The following GRIP1 variants were observed in gnomAD, a reference collection of about 807,000 sequenced individuals.
The protein encoded by GRIP1 is glutamate receptor-interacting protein 1.
Under a neutral mutation model 129.9 loss-of-function variants are expected in GRIP1, and 45 were observed. The ratio of observed to expected loss-of-function variants is 0.35; its 90% CI spans 0.27 to 0.44. The LOEUF is 0.44. Ranked by LOEUF, GRIP1 falls within the 20% of genes least tolerant of loss-of-function variation. The probability of loss-of-function intolerance (pLI) is 1.00; values close to 1 mark genes in which losing one functional copy is unlikely to be tolerated. For missense variants in GRIP1, 1,196 were observed against 1,396.8 expected, an observed-to-expected ratio of 0.86 and a Z score of 2.29; for synonymous variants, 530 against 520.8, an observed-to-expected ratio of 1.02 and a Z score of -0.24.
chr12:66,690,674 T>C (rs943356434), intron 1 of GRIP1, among the ~76,000 whole-genome samples: 1 of 151,108 alleles, frequency 6.6e-6, no homozygotes, highest in Non-Finnish European at 1.5e-5. Flanking sequence ...ATGACCAGCC[T>C]AAGCAACATA....
chr12:66,902,407 G>A (rs1252955572), intron 1 of GRIP1, among the ~76,000 whole-genome samples: 1 of 152,168 alleles, frequency 6.6e-6, no homozygotes, highest in African/African-American at 2.4e-5. Flanking sequence ...TAGCTGGCCT[G>A]AGGGATGGTT....
At chr12:67,066,888 T>TTTTTTATATATATATATA (rs59891449) in intron 1 of GRIP1, among the ~76,000 whole-genome samples, 51 of 125,642 alleles carry the variant, frequency 4.1e-4, no homozygotes, top group Non-Finnish European at 7.1e-4. Context: ...AAATATATAT[T>TTTTTTATATATATATATA]TATATATATA....
At chr12:66,986,860 AAAAAATAAAAT>A (rs533467667) in intron 1 of GRIP1, among the ~76,000 whole-genome samples, 2,066 of 49,780 alleles carry the variant, frequency 0.042, 39 homozygotes, top group African/African-American at 0.21. Context: ...AAAAATTTTA[AAAAAATAAAAT>A]AAAAATAAAA....
At chr12:67,029,870 G>A (rs1175107721) in intron 1 of GRIP1, among the ~76,000 whole-genome samples, 1 of 151,708 alleles carries the variant, frequency 6.6e-6, no homozygotes. Context: ...GAATTGCTTA[G>A]ATGTTTTTAT....
chr12:66,535,767 T>C (rs1272372195), intron 4 of GRIP1, among the ~76,000 whole-genome samples: 1 of 152,230 alleles, frequency 6.6e-6, no homozygotes, highest in East Asian at 1.9e-4. Flanking sequence ...TACGAACTTG[T>C]GACTGATTAT....
chr12:66,976,247 T>C (rs1469531376), intron 1 of GRIP1, among the ~76,000 whole-genome samples: 1 of 152,300 alleles, frequency 6.6e-6, no homozygotes, highest in African/African-American at 2.4e-5. Context: ...ATTTGGCCAA[T>C]TTGATAGGTG....
rs568339590 is a variant in GRIP1, at chr12:66,910,873, A to G, written c.58+158177T>C. On this transcript the variant is annotated intron_variant, in intron 1 of 1. Coordinates refer to the GRIP1 transcript ENST00000643019. ...ACTTAACCAGAACAGCTCCATCTTTATCACTTTTACATACTGGATCTCCAG... is the reference window on the plus strand; with the variant it reads ...ACTTAACCAGAACAGCTCCATCTTTGTCACTTTTACATACTGGATCTCCAG... Among the ~76,000 whole-genome samples, 10 of 152,292 alleles carry G rather than the reference A, an allele frequency of 6.6e-5. No homozygotes were observed. In the East Asian group the frequency reaches 1.9e-3, roughly 29 times the overall value.
intron 2 of GRIP1, among the ~76,000 whole-genome samples, chr12:66,545,845 T>C (rs2061932168): frequency 6.6e-6 from 1 of 152,226 alleles, no homozygotes; most frequent in South Asian, 2.1e-4. Context: ...AAATATCATA[T>C]ATAATTGTTC....
Position 66,392,446 on chromosome 12 carries a change from C to T in GRIP1, c.2326G>A (p.Gly776Arg), listed in dbSNP as rs772516123. The T allele has an allele frequency of 2.5e-6, 4 of 1,614,136 alleles. No individual in the cohort carries two copies. The highest frequency in any genetic ancestry group is 3.4e-6 in the Non-Finnish European group (4 of 1,180,004). ...FPISSHLSDL[G>R]DVEEDSSPAQ... Reference sequence around the variant, plus strand: ...GGTGAGGAGTCCTCCTCCACATCCCCCAGGTCACTCAAATGGCTAGAAATA... The same window carrying T: ...GGTGAGGAGTCCTCCTCCACATCCCTCAGGTCACTCAAATGGCTAGAAATA... The change falls in exon 19 of 25, where the codon GGG (glycine) becomes AGG (arginine). Residue 776 changes from glycine (G) to arginine (R), a missense_variant. Physicochemically the swap from Gly to Arg is moderately radical, Grantham distance 125. Coordinates refer to ENST00000359742, the MANE Select transcript of GRIP1 (RefSeq NM_001366722.1).
chr12:66,624,586 C>T (rs1444093565), intron 1 of GRIP1, among the ~76,000 whole-genome samples: 1 of 152,028 alleles, frequency 6.6e-6, no homozygotes. Flanking sequence ...GTACATACAG[C>T]AAAGAATTGA....
chr12:67,016,220 T>C (rs118122076), intron 1 of GRIP1, among the ~76,000 whole-genome samples: 24 of 152,234 alleles, frequency 1.6e-4, no homozygotes, highest in African/African-American at 4.6e-4. Flanking sequence ...CTAAAAAAGA[T>C]AGAAATTCCA....
intron 1 of GRIP1, among the ~76,000 whole-genome samples, chr12:66,977,404 TAAC>T (rs1467256411): frequency 6.6e-6 from 1 of 152,182 alleles, no homozygotes; most frequent in Non-Finnish European, 1.5e-5. Flanking sequence ...CATAACTCTT[TAAC>T]TTCTTTTAAA....
chr12:66,871,991 C>A (rs896672570), intron 1 of GRIP1, among the ~76,000 whole-genome samples: 1 of 152,044 alleles, frequency 6.6e-6, no homozygotes, highest in African/African-American at 2.4e-5. Context: ...TTAATACAAC[C>A]CAGCTCATAC....
chr12:66,424,907 ACTTC>A (rs2057930453), intron 14 of GRIP1, among the ~76,000 whole-genome samples: 1 of 124,458 alleles, frequency 8.0e-6, no homozygotes, highest in Admixed American at 8.3e-5. Flanking sequence ...GATCTTGGGG[ACTTC>A]CTTCCCACAA....
chr12:66,723,304 C>CTTTT (rs57938064), intron 1 of GRIP1, among the ~76,000 whole-genome samples: 19 of 58,424 alleles, frequency 3.3e-4, no homozygotes, highest in Non-Finnish European at 5.0e-4. Flanking sequence ...TTCTTTCTTT[C>CTTTT]TTTTTTTTTT....
In GRIP1 at chr12:66,462,930, C is replaced by T. The variant is rs201675670; in HGVS notation, c.1036G>A (p.Asp346Asn). The T allele has an allele frequency of 1.3e-5, 21 of 1,612,848 alleles. No homozygotes were observed. Among genetic ancestry groups the T allele is most frequent in the Middle Eastern group, 1.7e-4 (1 of 5,840 alleles). Residue 346 changes from aspartate to asparagine, a missense_variant, in exon 9 of 25, where the codon GAC becomes AAC. By Grantham distance (23) the Asp-to-Asn change is conservative (BLOSUM62 1). Coordinates refer to ENST00000359742, the MANE Select transcript of GRIP1 (RefSeq NM_001366722.1). ...TCCAGGTGGACCATCTCACCATGGT[C>T]GGGCCCCTTTAGGGCCAGCCGGGTC... ...HQTRLALKGP[D>N]HVKIQRSDRQ...
intron 14 of GRIP1, among the ~76,000 whole-genome samples, chr12:66,429,707 C>T (rs1481913954): frequency 6.6e-6 from 1 of 151,964 alleles, no homozygotes; most frequent in Non-Finnish European, 1.5e-5. Context: ...AAAAATAAAA[C>T]ATAAATAAAT....
intron 4 of GRIP1, among the ~76,000 whole-genome samples, chr12:66,531,244 AAAAAAAAAATATATATATATATATATAT>A (rs1324412699): frequency 7.3e-4 from 41 of 56,246 alleles, no homozygotes; most frequent in African/African-American, 3.1e-3. Context: ...TCAAAAAAAA[AAAAAAAAAATATATATATATATATATAT>A]ATATATATAT....
intron 2 of GRIP1, among the ~76,000 whole-genome samples, chr12:66,578,429 G>A (rs930422807): frequency 3.9e-5 from 6 of 152,070 alleles, no homozygotes; most frequent in Admixed American, 1.3e-4. Context: ...GCAGCGCACC[G>A]TGCGCGAGCC....
Sources: gnomAD v4.1 joint callset for allele counts (sites outside exome capture counted in the v4.1 genomes callset) on GRCh38, gnomAD v4.1.1 for gene constraint, MANE v1.5 for transcripts, NCBI Gene and HGNC (gene_info 2026-07-23, HGNC 2026-07-21) for gene names.